The following COL4A5 variants were observed in gnomAD, a reference collection of about 807,000 sequenced individuals.
COL4A5 encodes collagen type IV alpha 5 chain.
Under a neutral mutation model 130.2 loss-of-function variants are expected in COL4A5, and 26 were observed. The ratio of observed to expected loss-of-function variants is 0.20; its 90% CI spans 0.15 to 0.28. COL4A5 has a LOEUF of 0.28. Among genes scored for constraint, COL4A5 ranks in the 10% least tolerant of loss-of-function variants. The pLI is 1.00. For missense variants in COL4A5, 1,131 were observed against 1,344.3 expected, an observed-to-expected ratio of 0.84 and a Z score of 2.48; for synonymous variants, 496 against 439.6, an observed-to-expected ratio of 1.13 and a Z score of -1.60.
At chrX:108,684,561 C>A (rs951846754) in intron 47 of COL4A5, among the ~76,000 whole-genome samples, 3 of 112,079 alleles carry the variant, frequency 2.7e-5, no homozygotes, top group Admixed American at 1.9e-4. Context: ...AGGAAGAAGT[C>A]GAATCCTTGA....
At chrX:108,622,358 C>G (rs766818783) in intron 32 of COL4A5, among the ~76,000 whole-genome samples, 1 of 111,355 alleles carries the variant, frequency 9.0e-6, no homozygotes. Flanking sequence ...GTCTCGATCT[C>G]CTGACCTCGT....
chrX:108,470,127 A>C (rs2064750829), intron 1 of COL4A5, among the ~76,000 whole-genome samples: 1 of 111,868 alleles, frequency 8.9e-6, no homozygotes, highest in African/African-American at 3.3e-5. Flanking sequence ...TTTTTGGTAT[A>C]ATGATTTCTT....
intron 37 of COL4A5, among the ~76,000 whole-genome samples, chrX:108,656,984 A>T (rs1053152751): frequency 1.1e-4 from 12 of 111,668 alleles, no homozygotes; most frequent in African/African-American, 3.9e-4. Flanking sequence ...TTGTGTAATG[A>T]ACAAAAGTTG....
rs375720846 is a variant in COL4A5, at chrX:108,550,277, T to C, written c.142-8787T>C. On this transcript the variant is annotated intron_variant, in intron 2 of 52. Transcript: ENST00000328300. ...CTCATGAGCATAGATACAGAAATTA[T>C]TAAAATTTTAGCAAATCAAATCCAA... Among the ~76,000 whole-genome samples, 7 of 111,820 alleles carry C rather than the reference T, an allele frequency of 6.3e-5. No individual in the cohort carries two copies. In the East Asian group the frequency reaches 1.1e-3, roughly 18 times the overall value.
Position 108,473,078 on chromosome X carries a change from A to G in COL4A5, c.81+32872A>G, listed in dbSNP as rs191692833. Reference sequence around the variant, plus strand: ...GTATGTCTTCTTTTGCTAAATGTCTATTCAAGTCTTTAGAACATACATTCC... The same window carrying G: ...GTATGTCTTCTTTTGCTAAATGTCTGTTCAAGTCTTTAGAACATACATTCC... On this transcript the variant is annotated intron_variant, in intron 1 of 52. Transcript: ENST00000328300. Among the ~76,000 whole-genome samples the G allele has an allele frequency of 2.2e-3, 241 of 111,973 alleles. 2 individuals are homozygous for G. The highest frequency in any genetic ancestry group is 3.5e-3 in the Non-Finnish European group (184 of 53,122).
intron 1 of COL4A5, among the ~76,000 whole-genome samples, chrX:108,452,306 T>G (rs1214515622): frequency 2.0e-4 from 22 of 111,684 alleles, no homozygotes; most frequent in Non-Finnish European, 3.4e-4. Flanking sequence ...TTGGCGATGC[T>G]GGCTCTTTTT....
intron 50 of COL4A5, 170 bp from the exon 51 acceptor site, chrX:108,694,637 G>A (rs989607470): frequency 4.9e-5 from 24 of 485,001 alleles, no homozygotes; most frequent in Non-Finnish European, 8.8e-5. Context: ...TGTATACTGG[G>A]AGACAATACT....
intron 28 of COL4A5, 71 bp downstream of exon 28, chrX:108,603,132 T>C (rs1168932265): frequency 4.4e-6 from 3 of 686,951 alleles, no homozygotes; most frequent in Non-Finnish European, 6.8e-6. Context: ...TAGCTCTCTA[T>C]TTTGACTCAG....
intron 2 of COL4A5, among the ~76,000 whole-genome samples, chrX:108,542,168 T>A (rs1194469123): frequency 8.9e-6 from 1 of 111,882 alleles, no homozygotes; most frequent in East Asian, 2.8e-4. Flanking sequence ...TGCAGGTTTG[T>A]TACATATGTA....
intron 1 of COL4A5, among the ~76,000 whole-genome samples, chrX:108,489,037 C>T (rs1217620574): frequency 8.9e-6 from 1 of 111,913 alleles, no homozygotes; most frequent in Non-Finnish European, 1.9e-5. Flanking sequence ...ATACACCATA[C>T]TTTATAATTT....
At chrX:108,540,374 A>G (rs1178926512) in intron 2 of COL4A5, among the ~76,000 whole-genome samples, 1 of 112,163 alleles carries the variant, frequency 8.9e-6, no homozygotes, top group Non-Finnish European at 1.9e-5. Flanking sequence ...TCAAGCTACT[A>G]ATCTCTGCCA....
At chrX:108,656,714 A>C (rs1372409211) in intron 37 of COL4A5, among the ~76,000 whole-genome samples, 1 of 111,891 alleles carries the variant, frequency 8.9e-6, no homozygotes, top group Non-Finnish European at 1.9e-5. Flanking sequence ...GAGTATGTAG[A>C]AGCATCTAAT....
In COL4A5 at chrX:108,620,190, A is replaced by G. The variant is rs988707832; in HGVS notation, c.2510-69A>G. On this transcript the variant is annotated intron_variant, in intron 30 of 52. Coordinates refer to ENST00000328300, the MANE Select transcript of COL4A5 (RefSeq NM_033380.3). ...TACAGGGTTCTATCACTTGTTTACT[A>G]GAAATATAACCAGATACATCTTTTA... 5.2e-6 allele frequency: 5 copies of G among 962,643 alleles called. No individual in the cohort carries two copies. The South Asian group carries it at 5.9e-5, about 11-fold the overall frequency. The allele number at this position is 962,643 out of a possible 1,213,427, so 79.3% of individuals were successfully genotyped here. A position where few individuals can be genotyped will look rare whatever the true frequency, so the allele number is the denominator to read the frequency against.
chrX:108,576,366 G>T (rs1569490010), intron 10 of COL4A5, among the ~76,000 whole-genome samples: 1 of 111,392 alleles, frequency 9.0e-6, no homozygotes, highest in Non-Finnish European at 1.9e-5. Context: ...AAAAAATATT[G>T]GCTCTCATTT....
At chrX:108,580,889 C>A in intron 15 of COL4A5, 94 bp from the exon 16 acceptor site, 1 of 1,015,866 alleles carries the variant, frequency 9.8e-7, no homozygotes, top group Non-Finnish European at 1.4e-6. Flanking sequence ...TAATATAGTC[C>A]AAGCCAGGAA....
At chrX:108,530,152 T>A (rs1340931426) in intron 1 of COL4A5, among the ~76,000 whole-genome samples, 2 of 111,368 alleles carry the variant, frequency 1.8e-5, no homozygotes, top group Non-Finnish European at 3.8e-5. Context: ...ATGTGTTAGG[T>A]CACAATATAA....
intron 36 of COL4A5, among the ~76,000 whole-genome samples, chrX:108,636,283 T>C (rs1311621616): frequency 9.0e-6 from 1 of 111,491 alleles, no homozygotes; most frequent in Non-Finnish European, 1.9e-5. Context: ...GGATAAAAGA[T>C]GACTAAATTC....
At chrX:108,495,023 G>A (rs1165534499) in intron 1 of COL4A5, among the ~76,000 whole-genome samples, 1 of 111,791 alleles carries the variant, frequency 8.9e-6, no homozygotes, top group Admixed American at 9.5e-5. Context: ...TAGACACATA[G>A]ATCAATATGA....
Position 108,681,776 on chromosome X carries a change from T to G in COL4A5, c.4104T>G (p.Pro1368=). 8.3e-7 allele frequency: 1 copy of G among 1,208,023 alleles called. No individual in the cohort carries two copies. The highest frequency in any genetic ancestry group is 1.1e-6 in the Non-Finnish European group (1 of 892,559). ...GTCTCATAGGTCCTCCTGGATTACCTGGTCCTTCAGGACAGAGTATCATAA... is the reference window on the plus strand; with the variant it reads ...GTCTCATAGGTCCTCCTGGATTACCGGGTCCTTCAGGACAGAGTATCATAA... The part of the protein sequence containing the change: ...LIGPPGPPGL[P]GPSGQSIIIK... The change falls in exon 47 of 53, where the codon CCT becomes CCG. Residue 1368 remains proline (P), a synonymous_variant. Transcript: ENST00000328300.
Sources: gnomAD v4.1 joint callset for allele counts (sites outside exome capture counted in the v4.1 genomes callset) on GRCh38, gnomAD v4.1.1 for gene constraint, MANE v1.5 for transcripts, NCBI Gene and HGNC (gene_info 2026-07-23, HGNC 2026-07-21) for gene names.